The following ISY1 variants were observed in gnomAD, a reference collection of about 807,000 sequenced individuals.
The protein encoded by ISY1 is pre-mRNA-splicing factor ISY1 homolog.
In ISY1, 12 loss-of-function variants were observed where a neutral mutation model predicts 54.4. That is an observed-to-expected ratio of 0.22 (90% CI 0.14 to 0.36). ISY1 has a LOEUF of 0.36. ISY1 is among the 10% of genes least tolerant of loss of function. The probability of loss-of-function intolerance (pLI) is 1.00; values close to 1 mark genes in which losing one functional copy is unlikely to be tolerated. For missense variants in ISY1, 282 were observed against 342.2 expected (o/e 0.82, Z 1.39); for synonymous variants, 96 against 117.9 (o/e 0.81, Z 1.20).
chr3:129,130,526 G>A (rs1401262128), intron 10 of ISY1, 24 bp downstream of exon 10: 21 of 1,611,810 alleles, frequency 1.3e-5, no homozygotes, highest in Non-Finnish European at 1.8e-5. Flanking sequence ...CCGGCGCCCA[G>A]GCAGCTCTTA....
At position 129,130,193 on chromosome 3, in the gene ISY1, G is replaced by A; in HGVS notation, c.751-5C>T. 6.2e-7 allele frequency: 1 copy of A among 1,601,308 alleles called. No homozygotes were observed. Among genetic ancestry groups the A allele is most frequent in the South Asian group, 1.1e-5 (1 of 89,070 alleles). ...TCGCACCAGTGCCTCCTCAATCTGT[G>A]GAAATTAAGAGTGCAGGGCTCACTC... On this transcript the variant is annotated splice_region_variant and splice_polypyrimidine_tract_variant and intron_variant, in intron 10 of 10. Coordinates refer to ENST00000393295, the MANE Select transcript of ISY1 (RefSeq NM_020701.4).
At chr3:129,152,685 C>G (rs974961515) in intron 5 of ISY1, among the ~76,000 whole-genome samples, 1 of 152,128 alleles carries the variant, frequency 6.6e-6, no homozygotes, top group South Asian at 2.1e-4. Context: ...GAATTACAGG[C>G]GTGAGCCACC....
At chr3:129,153,196 G>A (rs1937029238) in intron 5 of ISY1, among the ~76,000 whole-genome samples, 2 of 151,862 alleles carry the variant, frequency 1.3e-5, no homozygotes, top group Admixed American at 1.3e-4. Context: ...TTTTCATAGA[G>A]ACAGGGTTTC....
chr3:129,138,451 C>T (rs369003218), intron 7 of ISY1, among the ~76,000 whole-genome samples: 5 of 150,054 alleles, frequency 3.3e-5, no homozygotes, highest in Non-Finnish European at 5.9e-5. Flanking sequence ...CTGGCTAACA[C>T]GGTGAAACCC....
chr3:129,131,624 C>T (rs567795848), intron 9 of ISY1, among the ~76,000 whole-genome samples: 68 of 152,304 alleles, frequency 4.5e-4, no homozygotes, highest in Non-Finnish European at 7.6e-4. Context: ...TGGAACAACA[C>T]TCAGCAGTGA....
At chr3:129,160,509 G>A (rs985202787) in intron 1 of ISY1, among the ~76,000 whole-genome samples, 1 of 152,024 alleles carries the variant, frequency 6.6e-6, no homozygotes, top group East Asian at 1.9e-4. Flanking sequence ...CTCTGTGTCA[G>A]ACATTAAGGA....
chr3:129,143,548 T>C (rs1177194498), intron 6 of ISY1, among the ~76,000 whole-genome samples: 2 of 150,840 alleles, frequency 1.3e-5, no homozygotes, highest in South Asian at 2.1e-4. Context: ...TAAAACAATA[T>C]ACATATCTAT....
chr3:129,134,251 C>G (rs1339513546), intron 8 of ISY1, 56 bp from the exon 9 acceptor site: 24 of 1,610,660 alleles, frequency 1.5e-5, no homozygotes, highest in Non-Finnish European at 2.0e-5. Flanking sequence ...GCTTTCAACA[C>G]TATGCAGGGA....
intron 3 of ISY1, 52 bp downstream of exon 3, chr3:129,158,456 G>A: frequency 5.6e-6 from 9 of 1,608,452 alleles, no homozygotes; most frequent in Non-Finnish European, 7.6e-6. Flanking sequence ...ACTGCACCCA[G>A]CCTGCATTTA....
At chr3:129,160,945 C>T in intron 1 of ISY1, 28 bp downstream of exon 1, 1 of 1,210,258 alleles carries the variant, frequency 8.3e-7, no homozygotes. Flanking sequence ...CCCATCCACT[C>T]GCTCCCTCAC....
chr3:129,141,193 T>TTAAATAAA (rs113443810), intron 6 of ISY1, among the ~76,000 whole-genome samples: 7,245 of 139,638 alleles, frequency 0.052, 626 homozygotes, highest in African/African-American at 0.18. Flanking sequence ...CTGGAGTAAA[T>TTAAATAAA]TAAATAAATA....
At chr3:129,153,948 A>C (rs1429363848) in intron 5 of ISY1, among the ~76,000 whole-genome samples, 1 of 151,986 alleles carries the variant, frequency 6.6e-6, no homozygotes, top group East Asian at 1.9e-4. Context: ...CTACTAAAAA[A>C]TTACAAAAAT....
chr3:129,136,750 C>T lies in ISY1; in HGVS notation c.419-1796G>A, dbSNP rs1343875986. Among the ~76,000 whole-genome samples the T allele has an allele frequency of 3.3e-5, 5 of 151,258 alleles. No homozygotes were observed. The East Asian group carries it at 7.8e-4, about 23-fold the overall frequency. On this transcript the variant is annotated intron_variant, in intron 7 of 10. Coordinates refer to ENST00000393295, the MANE Select transcript of ISY1 (RefSeq NM_020701.4). ...TGTCACCCAGGCTGGAGTGCAATGG[C>T]GTGATCTCAGCTCACTGCAAGCTCC... is the stretch of plus-strand genomic sequence containing the variant.
At chr3:129,144,986 C>G (rs2107610390) in intron 6 of ISY1, among the ~76,000 whole-genome samples, 1 of 152,288 alleles carries the variant, frequency 6.6e-6, no homozygotes, top group East Asian at 1.9e-4. Flanking sequence ...TGACAGCTCA[C>G]TGCAGCCTCC....
chr3:129,143,052 C>T (rs930008640), intron 6 of ISY1, among the ~76,000 whole-genome samples: 3 of 151,656 alleles, frequency 2.0e-5, no homozygotes, highest in African/African-American at 7.3e-5. Context: ...GAGACTCCGT[C>T]GCAAAAACAA....
intron 5 of ISY1, among the ~76,000 whole-genome samples, chr3:129,147,471 G>A (rs990430928): frequency 6.6e-6 from 1 of 152,130 alleles, no homozygotes; most frequent in Non-Finnish European, 1.5e-5. Flanking sequence ...CCACCATGGT[G>A]AGACTTTCCA....
intron 5 of ISY1, among the ~76,000 whole-genome samples, chr3:129,152,456 T>G (rs951755837): frequency 3.9e-5 from 6 of 151,906 alleles, no homozygotes; most frequent in Non-Finnish European, 7.4e-5. Flanking sequence ...CAGGCTGGAG[T>G]GCAGTGGTGC....
chr3:129,132,466 T>C (rs1936263250), intron 9 of ISY1, among the ~76,000 whole-genome samples: 1 of 152,192 alleles, frequency 6.6e-6, no homozygotes, highest in African/African-American at 2.4e-5. Context: ...CTGTCCTTTG[T>C]CTCTCACACT....
chr3:129,154,038 C>A (rs1190570301), intron 5 of ISY1, among the ~76,000 whole-genome samples: 1 of 151,744 alleles, frequency 6.6e-6, no homozygotes, highest in East Asian at 2.0e-4. Flanking sequence ...GTCAGGAGAT[C>A]GAGACCATCC....
Sources: allele counts gnomAD v4.1 joint callset (sites outside exome capture counted in the v4.1 genomes callset), GRCh38; gene constraint gnomAD v4.1.1; transcripts MANE v1.5; gene names NCBI Gene and HGNC (gene_info 2026-07-23, HGNC 2026-07-21).